The following NKAIN3 variants were observed in gnomAD, a reference collection of about 807,000 sequenced individuals.
NKAIN3 encodes sodium/potassium-transporting ATPase subunit beta-1-interacting protein 3.
Under a neutral mutation model 30.2 loss-of-function variants are expected in NKAIN3, and 25 were observed. The observed-to-expected ratio is 0.83, with a 90% CI of 0.60 to 1.16. The LOEUF (loss-of-function observed/expected upper bound fraction) is 1.16, where lower values mean the gene tolerates loss of function less well. Ranked by LOEUF, NKAIN3 falls within the 50% of genes most tolerant of loss-of-function variation. The pLI is 0.00. For synonymous variants in NKAIN3, 91 were observed against 89.6 expected (o/e 1.02, Z -0.09); for missense variants, 225 against 254.1 (o/e 0.89, Z 0.78).
At chr8:62,403,510 G>A (rs1367437014) in intron 1 of NKAIN3, among the ~76,000 whole-genome samples, 1 of 152,170 alleles carries the variant, frequency 6.6e-6, no homozygotes, top group Admixed American at 6.5e-5. Flanking sequence ...CTTCATCTCA[G>A]CCACTCCAGC....
chr8:62,272,049 C>G (rs1812793526), intron 1 of NKAIN3, among the ~76,000 whole-genome samples: 1 of 152,152 alleles, frequency 6.6e-6, no homozygotes. Flanking sequence ...ACAGTAGAAT[C>G]ATAGATTCTA....
intron 5 of NKAIN3, among the ~76,000 whole-genome samples, chr8:62,943,776 GTATAA>G (rs1169960190): frequency 2.0e-5 from 3 of 146,684 alleles, no homozygotes; most frequent in South Asian, 4.3e-4. Flanking sequence ...ATTATATATG[GTATAA>G]TATATTTTTA....
intron 1 of NKAIN3, among the ~76,000 whole-genome samples, chr8:62,485,321 A>G (rs1246302831): frequency 1.3e-5 from 2 of 152,212 alleles, no homozygotes; most frequent in Non-Finnish European, 2.9e-5. Flanking sequence ...GTCTCTGTAT[A>G]TGTAATTTCA....
At chr8:62,837,924 G>A (rs1413798807) in intron 4 of NKAIN3, among the ~76,000 whole-genome samples, 1 of 152,022 alleles carries the variant, frequency 6.6e-6, no homozygotes, top group Non-Finnish European at 1.5e-5. Flanking sequence ...AAATTTACTT[G>A]AAATTGCATT....
intron 1 of NKAIN3, among the ~76,000 whole-genome samples, chr8:62,455,384 G>A (rs2129599111): frequency 6.6e-6 from 1 of 152,270 alleles, no homozygotes; most frequent in South Asian, 2.1e-4. Context: ...GGATGCAGCT[G>A]GAGGCCATTA....
intron 1 of NKAIN3, among the ~76,000 whole-genome samples, chr8:62,462,719 T>A (rs1283788549): frequency 1.3e-5 from 2 of 152,084 alleles, no homozygotes; most frequent in Non-Finnish European, 2.9e-5. Flanking sequence ...AGAAAAAGGA[T>A]CATTGGCAAT....
Position 62,313,585 on chromosome 8 carries a change from G to T in NKAIN3, c.54+64458G>T, listed in dbSNP as rs534107430. Among the ~76,000 whole-genome samples the T allele has an allele frequency of 7.9e-5, 12 of 152,250 alleles. No individual in the cohort carries two copies. In the South Asian group the frequency reaches 2.5e-3, roughly 32 times the overall value. ...TGAAAAAGCTATTATTAATTATAAG[G>T]AGCTCAAGGGGAAATAGTTGATATT... On this transcript the variant is annotated intron_variant, in intron 1 of 6. Transcript: ENST00000623646.
At chr8:62,653,893 T>A (rs542344099) in intron 3 of NKAIN3, among the ~76,000 whole-genome samples, 6 of 152,248 alleles carry the variant, frequency 3.9e-5, no homozygotes, top group South Asian at 2.1e-4. Flanking sequence ...AGAGAGAAAC[T>A]CAAAATTGAC....
chr8:62,401,809 G>A (rs1215516033), intron 1 of NKAIN3, among the ~76,000 whole-genome samples: 1 of 152,180 alleles, frequency 6.6e-6, no homozygotes, highest in Non-Finnish European at 1.5e-5. Context: ...TCTGAACTGA[G>A]CTTCTAGGGC....
chr8:62,996,855 TC>T (rs1353145119), intron 5 of NKAIN3, among the ~76,000 whole-genome samples: 2 of 152,196 alleles, frequency 1.3e-5, no homozygotes, highest in Non-Finnish European at 2.9e-5. Context: ...AAGGGTGGGC[TC>T]CCATGGCCTT....
In NKAIN3 at chr8:62,484,260, C is replaced by T. The variant is rs375462664; in HGVS notation, c.55-95279C>T. Among the ~76,000 whole-genome samples the T allele has an allele frequency of 6.6e-5, 10 of 152,324 alleles. No homozygotes were observed. In the East Asian group the frequency reaches 1.7e-3, roughly 27 times the overall value. Reference sequence around the variant, plus strand: ...CTAGGCTCTTTCTATGTCTGTTTCACCCCAGTATTTCCCTCTTTCCAGGAT... The same window carrying T: ...CTAGGCTCTTTCTATGTCTGTTTCATCCCAGTATTTCCCTCTTTCCAGGAT... On this transcript the variant is annotated intron_variant, in intron 1 of 6. Coordinates refer to ENST00000623646, the MANE Select transcript of NKAIN3 (RefSeq NM_001304533.3).
At chr8:62,925,450 A>T (rs1275916190) in intron 5 of NKAIN3, among the ~76,000 whole-genome samples, 2 of 152,242 alleles carry the variant, frequency 1.3e-5, no homozygotes, top group East Asian at 1.9e-4. Flanking sequence ...GAGCAAAAGC[A>T]TGGCCCTATA....
intron 4 of NKAIN3, among the ~76,000 whole-genome samples, chr8:62,854,714 A>G (rs900166912): frequency 3.3e-5 from 5 of 152,200 alleles, no homozygotes; most frequent in Non-Finnish European, 7.3e-5. Flanking sequence ...TAGTATTGTT[A>G]GGTGTGGATT....
intron 1 of NKAIN3, among the ~76,000 whole-genome samples, chr8:62,489,011 A>G (rs1303237131): frequency 6.6e-6 from 1 of 152,136 alleles, no homozygotes; most frequent in Non-Finnish European, 1.5e-5. Context: ...TCCATTTATC[A>G]TAGGACAATC....
chr8:62,843,988 A>C (rs954942117), intron 4 of NKAIN3, among the ~76,000 whole-genome samples: 2 of 152,168 alleles, frequency 1.3e-5, no homozygotes, highest in African/African-American at 4.8e-5. Context: ...GTAGGAGTCC[A>C]AAACTTTATA....
At chr8:62,296,400 G>A (rs560194202) in intron 1 of NKAIN3, among the ~76,000 whole-genome samples, 38 of 152,272 alleles carry the variant, frequency 2.5e-4, no homozygotes, top group Admixed American at 5.9e-4. Flanking sequence ...ACTAATTTGT[G>A]TGGGAGTTGA....
intron 1 of NKAIN3, among the ~76,000 whole-genome samples, chr8:62,530,121 G>A (rs1363771829): frequency 6.6e-6 from 1 of 152,140 alleles, no homozygotes; most frequent in East Asian, 1.9e-4. Context: ...ACAGTATAAA[G>A]TTAGGAGCCA....
At chr8:62,430,206 A>T (rs1182957286) in intron 1 of NKAIN3, among the ~76,000 whole-genome samples, 1 of 151,876 alleles carries the variant, frequency 6.6e-6, no homozygotes, top group Non-Finnish European at 1.5e-5. Flanking sequence ...GCTGAATAAT[A>T]TCCCATTTTA....
intron 4 of NKAIN3, among the ~76,000 whole-genome samples, chr8:62,818,483 C>G (rs1380097135): frequency 5.3e-5 from 8 of 152,030 alleles, no homozygotes; most frequent in Admixed American, 1.3e-4. Flanking sequence ...TTTATTTTAT[C>G]TCCTTTCCTA....
Sources: allele counts gnomAD v4.1 joint callset (sites outside exome capture counted in the v4.1 genomes callset), GRCh38; gene constraint gnomAD v4.1.1; transcripts MANE v1.5; gene names NCBI Gene and HGNC (gene_info 2026-07-23, HGNC 2026-07-21).